The following EXOC6B variants were observed in gnomAD, a reference collection of about 807,000 sequenced individuals.
The protein encoded by EXOC6B is exocyst complex component 6B.
In EXOC6B, 54 loss-of-function variants were observed where a neutral mutation model predicts 113.5. The observed-to-expected ratio is 0.48, with a 90% confidence interval of 0.38 to 0.60. The LOEUF is 0.60. Ranked by LOEUF, EXOC6B falls within the 20% of genes least tolerant of loss-of-function variation. EXOC6B has a pLI of 0.00. For missense variants in EXOC6B, 797 were observed against 977.5 expected (o/e 0.82, Z 2.46); for synonymous variants, 357 against 339.0 (o/e 1.05, Z -0.58).
chr2:72,539,736 G>A (rs1242216169), intron 8 of EXOC6B, among the ~76,000 whole-genome samples: 1 of 6,432 alleles, frequency 1.6e-4, no homozygotes, highest in Non-Finnish European at 1.0e-3. Flanking sequence ...GGCTATGCGT[G>A]TGTGTGTGTG....
At position 72,474,950 on chromosome 2, in the gene EXOC6B, G is replaced by C. The variant is rs78679259; in HGVS notation, c.1800+5666C>G. On this transcript the variant is annotated intron_variant, in intron 17 of 21. Coordinates refer to ENST00000272427, the MANE Select transcript of EXOC6B (RefSeq NM_015189.3). ...AAGATGTATCTATGCTGTTAGTTGG[G>C]TAGGACACTTTGGTTGTTATTTTGA... Among the ~76,000 whole-genome samples, 16 of 152,294 alleles carry C rather than the reference G, an allele frequency of 1.1e-4. No homozygotes were observed. In the East Asian group the frequency reaches 2.9e-3, roughly 28 times the overall value.
chr2:72,204,194 G>A (rs1432876450), intron 20 of EXOC6B, among the ~76,000 whole-genome samples: 1 of 152,090 alleles, frequency 6.6e-6, no homozygotes, highest in Non-Finnish European at 1.5e-5. Flanking sequence ...AGTAGAGAAG[G>A]ATCTCAAAAA....
chr2:72,508,821 T>C (rs1038420427), intron 11 of EXOC6B, among the ~76,000 whole-genome samples: 24 of 151,930 alleles, frequency 1.6e-4, no homozygotes, highest in Non-Finnish European at 2.9e-4. Flanking sequence ...TAAACAAAAA[T>C]TAAGCCACAC....
In EXOC6B at chr2:72,498,605, GGT is replaced by G; in HGVS notation, c.1240-56_1240-55del. ...TGTCTAAGGAAGGAGTTTTTTTTTC[GGT>G]TTTTTTTTTTTTTGGCAAAATGAGA... On this transcript the variant is annotated intron_variant, in intron 12 of 21. Transcript: ENST00000272427. 21 of 1,172,856 alleles carry G rather than the reference GGT, an allele frequency of 1.8e-5. No homozygotes were observed. The East Asian group carries it at 5.1e-4, about 29-fold the overall frequency. 72.7% of individuals were successfully genotyped at this position (1,172,856 alleles called of 1,614,324 possible).
In EXOC6B at chr2:72,825,614, G is replaced by A. The variant is rs2105196978; in HGVS notation, c.113+184C>T. On this transcript the variant is annotated intron_variant, in intron 1 of 21. Coordinates refer to ENST00000272427, the MANE Select transcript of EXOC6B (RefSeq NM_015189.3). The surrounding 1 kb of genome is among the most constrained non-coding windows in gnomAD (Gnocchi z 4.4). The stretch of plus-strand genomic sequence containing the variant: ...GAGGGTCCTGAGTCACTGGGCTGTA[G>A]GGCGCCGGGAAGGGACCCCGCGTCG... 6.6e-6 allele frequency among the ~76,000 whole-genome samples: 1 copy of A among 152,348 alleles called. No homozygotes were observed. Among genetic ancestry groups the A allele is most frequent in the African/African-American group, 2.4e-5 (1 of 41,592 alleles).
At chr2:72,269,630 G>A (rs549520096) in intron 20 of EXOC6B, among the ~76,000 whole-genome samples, 23 of 152,110 alleles carry the variant, frequency 1.5e-4, no homozygotes, top group Non-Finnish European at 2.9e-4. Flanking sequence ...GGGGAACAGA[G>A]GGAGACCCTC....
intron 1 of EXOC6B, among the ~76,000 whole-genome samples, chr2:72,793,669 A>C (rs1208016288): frequency 6.6e-6 from 1 of 152,202 alleles, no homozygotes; most frequent in African/African-American, 2.4e-5. Flanking sequence ...TGAAAAGAAC[A>C]CTTCTTGCAA....
chr2:72,336,932 G>C (rs370183287), intron 19 of EXOC6B, among the ~76,000 whole-genome samples: 16 of 151,928 alleles, frequency 1.1e-4, no homozygotes, highest in African/African-American at 2.7e-4. Flanking sequence ...ACTTGTACCT[G>C]GGAGGTGGAG....
At chr2:72,189,860 CTT>C (rs57679690) in intron 20 of EXOC6B, among the ~76,000 whole-genome samples, 71 of 87,236 alleles carry the variant, frequency 8.1e-4, no homozygotes, top group African/African-American at 4.2e-3. Flanking sequence ...CCTTCTTCTT[CTT>C]TTTTTTTTTT....
At chr2:72,401,531 A>ATGTG (rs1693199186) in intron 18 of EXOC6B, among the ~76,000 whole-genome samples, 1 of 30,330 alleles carries the variant, frequency 3.3e-5, no homozygotes, top group East Asian at 4.0e-4. Context: ...ATACATATAT[A>ATGTG]TATATATATA....
intron 20 of EXOC6B, among the ~76,000 whole-genome samples, chr2:72,221,887 T>C (rs1680887584): frequency 6.6e-6 from 1 of 152,240 alleles, no homozygotes; most frequent in Non-Finnish European, 1.5e-5. Context: ...AAATACTCTG[T>C]GACTAAATTC....
At chr2:72,305,547 T>C (rs1185266856) in intron 20 of EXOC6B, among the ~76,000 whole-genome samples, 1 of 152,126 alleles carries the variant, frequency 6.6e-6, no homozygotes, top group Non-Finnish European at 1.5e-5. Flanking sequence ...AAGTAGATTA[T>C]GATTATTAAG....
At chr2:72,647,923 G>C (rs1466526485) in intron 6 of EXOC6B, among the ~76,000 whole-genome samples, 2 of 152,096 alleles carry the variant, frequency 1.3e-5, no homozygotes, top group Non-Finnish European at 2.9e-5. Flanking sequence ...AACCAAAATA[G>C]ACAAATGGGA....
chr2:72,639,070 C>G (rs979383593), intron 6 of EXOC6B, among the ~76,000 whole-genome samples: 12 of 152,170 alleles, frequency 7.9e-5, no homozygotes. Context: ...CACAGTCTCC[C>G]TCCCCATACT....
rs150434903 is a variant in EXOC6B at position 72,656,873 on chromosome 2, C to T, written c.669+61230G>A. 4.6e-3 allele frequency among the ~76,000 whole-genome samples: 695 copies of T among 152,076 alleles called. 10 individuals are homozygous for T. The highest frequency in any genetic ancestry group is 0.016 in the African/African-American group (644 of 41,472). On this transcript the variant is annotated intron_variant, in intron 6 of 21. Transcript: ENST00000272427. ...ATTTTATTTTATTTTATTTTTGAGA[C>T]GGAGTTTCGCTCTTGTTGCCCAGGC...
At chr2:72,397,559 G>T (rs1302956550) in intron 18 of EXOC6B, among the ~76,000 whole-genome samples, 1 of 150,260 alleles carries the variant, frequency 6.7e-6, no homozygotes, top group Non-Finnish European at 1.5e-5. Flanking sequence ...GGCAGAGGTT[G>T]CAGTAAGCCG....
chr2:72,746,247 G>C (rs1681686599), intron 1 of EXOC6B, among the ~76,000 whole-genome samples: 1 of 151,924 alleles, frequency 6.6e-6, no homozygotes, highest in South Asian at 2.1e-4. Context: ...AATTATTTGT[G>C]ATAATCTCAA....
At chr2:72,511,086 CTT>C (rs1349637251) in intron 11 of EXOC6B, among the ~76,000 whole-genome samples, 2 of 151,926 alleles carry the variant, frequency 1.3e-5, no homozygotes, top group Non-Finnish European at 2.9e-5. Context: ...GAAAATTAAA[CTT>C]AAGTATTATC....
chr2:72,531,385 T>C (rs1265253237), intron 8 of EXOC6B, among the ~76,000 whole-genome samples: 1 of 152,186 alleles, frequency 6.6e-6, no homozygotes, highest in Non-Finnish European at 1.5e-5. Context: ...AATACAATTG[T>C]CTGAAATATT....
Sources: allele counts gnomAD v4.1 joint callset (sites outside exome capture counted in the v4.1 genomes callset), GRCh38; gene constraint gnomAD v4.1.1; non-coding constraint Gnocchi (gnomAD v3.1); transcripts MANE v1.5; gene names NCBI Gene and HGNC (gene_info 2026-07-23, HGNC 2026-07-21).